The following RTF1 variants were observed in gnomAD, a reference collection of about 807,000 sequenced individuals.
RTF1 encodes RTF1 homolog, Paf1/RNA polymerase II complex component, also known as RNA polymerase-associated protein RTF1 homolog.
RTF1 carries 10 observed loss-of-function variants against 95.7 expected under a neutral mutation model. That is an observed-to-expected ratio of 0.10 (90% CI 0.06 to 0.18). RTF1 has a LOEUF of 0.18. Among genes scored for constraint, RTF1 ranks in the 10% least tolerant of loss-of-function variants. The pLI, the probability that RTF1 is intolerant of heterozygous loss-of-function variation, is 1.00. For synonymous variants in RTF1, 305 were observed against 311.8 expected, an observed-to-expected ratio of 0.98 and a Z score of 0.23; for missense variants, 458 against 875.6, an observed-to-expected ratio of 0.52 and a Z score of 6.02.
At chr15:41,469,528 CT>C (rs751672878) in intron 6 of RTF1, among the ~76,000 whole-genome samples, 232 of 138,132 alleles carry the variant, frequency 1.7e-3, no homozygotes, top group Middle Eastern at 3.9e-3. Context: ...GGCCACGTTC[CT>C]TTTTTTTTTT....
At chr15:41,479,596 C>G (rs1755620749) in intron 16 of RTF1, among the ~76,000 whole-genome samples, 1 of 152,182 alleles carries the variant, frequency 6.6e-6, no homozygotes, top group South Asian at 2.1e-4. Flanking sequence ...CGCAGTGGCT[C>G]ATGCCTGTAA....
chr15:41,442,943 G>A (rs2050743079), intron 2 of RTF1, among the ~76,000 whole-genome samples: 1 of 152,100 alleles, frequency 6.6e-6, no homozygotes, highest in African/African-American at 2.4e-5. Context: ...AGCCCTCCTT[G>A]TACCAGAAGC....
chr15:41,443,931 G>A (rs556356001), intron 2 of RTF1, among the ~76,000 whole-genome samples: 1 of 151,906 alleles, frequency 6.6e-6, no homozygotes, highest in African/African-American at 2.4e-5. Flanking sequence ...AGCCGGGCGT[G>A]GTGGCGGGCG....
rs765553789 is a variant in RTF1 at position 41,470,377 on chromosome 15, C to T, written c.1010C>T (p.Ser337Phe). The part of the protein sequence containing the change: ...KSDRSSRTSS[S>F]DEEEEKEEIP... ...GACCGCTCATCACGAACATCATCGT[C>T]TGATGAAGAAGAGGAGTAAGCTCTT... Residue 337 changes from serine to phenylalanine, a missense_variant, in exon 7 of 18, where the codon TCT becomes TTT. Physicochemically the swap from Ser to Phe is radical, Grantham distance 155. Around this residue, in one of 11 missense-constraint regions of RTF1, gnomAD observed 150 missense variants for 275.7 expected, o/e 0.54. Transcript: ENST00000389629. 1 of 1,614,032 alleles carries T rather than the reference C, an allele frequency of 6.2e-7. No individual in the cohort carries two copies. The highest frequency in any genetic ancestry group is 2.2e-5 in the East Asian group (1 of 44,874).
intron 2 of RTF1, among the ~76,000 whole-genome samples, chr15:41,444,929 T>A (rs972815939): frequency 1.3e-5 from 2 of 151,974 alleles, no homozygotes; most frequent in African/African-American, 2.4e-5. Context: ...TATTTTATTT[T>A]ATTTATTTAT....
chr15:41,420,516 T>TG (rs750416012), intron 1 of RTF1, among the ~76,000 whole-genome samples: 1 of 152,158 alleles, frequency 6.6e-6, no homozygotes, highest in Non-Finnish European at 1.5e-5. Context: ...GAGTCTTCAC[T>TG]GGGGGTATAA....
intron 1 of RTF1, among the ~76,000 whole-genome samples, chr15:41,421,227 T>C (rs2050598766): frequency 6.6e-6 from 1 of 151,920 alleles, no homozygotes; most frequent in Non-Finnish European, 1.5e-5. Context: ...GAGGCCGAGG[T>C]GGGCGGATCA....
rs577920098 is a variant in RTF1 at position 41,476,598 on chromosome 15, A to G, written c.1560+75A>G. 4.5e-5 allele frequency: 61 copies of G among 1,348,484 alleles called. 1 individual carries two copies. The Middle Eastern group carries it at 5.5e-4, about 12-fold the overall frequency. 83.5% of individuals were successfully genotyped at this position (1,348,484 alleles called of 1,614,324 possible). On this transcript the variant is annotated intron_variant, in intron 12 of 17. Transcript: ENST00000389629. The stretch of plus-strand genomic sequence containing the variant: ...AAATCAAACTTGTTCATCCTCTGCC[A>G]AGTTAGTGGTGGTAGGATTGGGAGA...
intron 9 of RTF1, 42 bp downstream of exon 9, chr15:41,474,744 C>A: frequency 3.6e-6 from 5 of 1,398,424 alleles, no homozygotes; most frequent in Non-Finnish European, 5.1e-6. Context: ...CCACTTCAAA[C>A]AGGCACTGGC....
chr15:41,445,696 T>A (rs1464820646), intron 2 of RTF1, among the ~76,000 whole-genome samples: 2 of 151,598 alleles, frequency 1.3e-5, no homozygotes, highest in Admixed American at 1.3e-4. Context: ...TCAGTTGGGA[T>A]TAAAAAAAAT....
intron 4 of RTF1, among the ~76,000 whole-genome samples, chr15:41,463,160 A>C (rs1018958678): frequency 6.6e-6 from 1 of 151,664 alleles, no homozygotes; most frequent in South Asian, 2.1e-4. Flanking sequence ...TTAGTACTTC[A>C]CTCCTTTTTA....
chr15:41,457,165 G>A (rs2050822760), intron 3 of RTF1, among the ~76,000 whole-genome samples: 1 of 152,202 alleles, frequency 6.6e-6, no homozygotes, highest in African/African-American at 2.4e-5. Flanking sequence ...ACTTTGGGAG[G>A]CCAAGTCAGG....
At chr15:41,424,776 C>T (rs774390636) in intron 1 of RTF1, among the ~76,000 whole-genome samples, 2 of 152,054 alleles carry the variant, frequency 1.3e-5, no homozygotes, top group African/African-American at 4.8e-5. Flanking sequence ...TTTGGGAGGC[C>T]GAGGTGGGTG....
chr15:41,461,616 A>G, intron 4 of RTF1, among the ~76,000 whole-genome samples: 1 of 150,832 alleles, frequency 6.6e-6, no homozygotes, highest in East Asian at 2.0e-4. Context: ...CAGCCTCCCA[A>G]GTAGCTGGGT....
At chr15:41,420,020 C>T (rs2050592321) in intron 1 of RTF1, among the ~76,000 whole-genome samples, 1 of 152,084 alleles carries the variant, frequency 6.6e-6, no homozygotes, top group African/African-American at 2.4e-5. Context: ...AGGGTTTCTC[C>T]ATGTTGGCCA....
At chr15:41,476,634 C>A in intron 12 of RTF1, 111 bp downstream of exon 12, 2 of 982,126 alleles carry the variant, frequency 2.0e-6, no homozygotes, top group South Asian at 1.3e-5. Flanking sequence ...AAATTCTGGG[C>A]TCGATTATAA....
intron 2 of RTF1, 44 bp downstream of exon 2, chr15:41,438,475 A>G: frequency 1.5e-6 from 2 of 1,335,514 alleles, no homozygotes; most frequent in Non-Finnish European, 2.1e-6. Context: ...TAGATAGTTG[A>G]GGCTCCTCGC....
At chr15:41,472,206 T>C (rs1292728004) in intron 8 of RTF1, among the ~76,000 whole-genome samples, 2 of 149,696 alleles carry the variant, frequency 1.3e-5, no homozygotes, top group African/African-American at 4.9e-5. Context: ...TTTTTATTTA[T>C]TTGTTGTTTT....
At chr15:41,480,154 G>C in intron 16 of RTF1, 60 bp from the exon 17 acceptor site, 1 of 1,084,170 alleles carries the variant, frequency 9.2e-7, no homozygotes, top group East Asian at 2.4e-5. Context: ...AGTGGCTGCT[G>C]CTGCTTGAAA....
Sources: gnomAD v4.1 joint callset for allele counts (sites outside exome capture counted in the v4.1 genomes callset) on GRCh38, gnomAD v4.1.1 for gene constraint, gnomAD v4.1.1 regional missense constraint, MANE v1.5 for transcripts, NCBI Gene and HGNC (gene_info 2026-07-23, HGNC 2026-07-21) for gene names.